EIF4EBP2: variants seen among roughly 807,000 people sequenced by gnomAD.
EIF4EBP2 encodes eukaryotic translation initiation factor 4E binding protein 2, also known as eukaryotic translation initiation factor 4E-binding protein 2.
In EIF4EBP2, 5 loss-of-function variants were observed where a neutral mutation model predicts 10.3. The ratio of observed to expected loss-of-function variants is 0.48; its 90% CI spans 0.25 to 1.02. EIF4EBP2 has a LOEUF of 1.02. Among genes scored for constraint, EIF4EBP2 ranks in the 50% least tolerant of loss-of-function variants. The pLI is 0.15. For synonymous variants in EIF4EBP2, 67 were observed against 61.1 expected, an observed-to-expected ratio of 1.10 and a Z score of -0.45; for missense variants, 188 against 162.2, an observed-to-expected ratio of 1.16 and a Z score of -0.86.
At chr10:70,413,310 G>T (rs1845062673) in intron 1 of EIF4EBP2, among the ~76,000 whole-genome samples, 1 of 152,120 alleles carries the variant, frequency 6.6e-6, no homozygotes. Context: ...TTGCTGGTAT[G>T]TAACCTCATT....
chr10:70,419,637 T>C (rs1299810439), intron 1 of EIF4EBP2, among the ~76,000 whole-genome samples: 2 of 128,376 alleles, frequency 1.6e-5, no homozygotes, highest in African/African-American at 6.5e-5. Context: ...AAGAACCTTT[T>C]AAAAAAGTGA....
At chr10:70,417,421 G>A (rs7921821) in intron 1 of EIF4EBP2, among the ~76,000 whole-genome samples, 34,748 of 152,008 alleles carry the variant, frequency 0.23, 4,269 homozygotes, top group Non-Finnish European at 0.27. Flanking sequence ...TGATTATGGT[G>A]ATGATTGTAC....
chr10:70,407,878 G>T (rs550129268), intron 1 of EIF4EBP2, among the ~76,000 whole-genome samples: 236 of 124,718 alleles, frequency 1.9e-3, no homozygotes, highest in African/African-American at 6.8e-3. Flanking sequence ...CCTCCCTCCC[G>T]GATGGGGCGG....
At chr10:70,407,930 C>A (rs1244461354) in intron 1 of EIF4EBP2, among the ~76,000 whole-genome samples, 3 of 116,324 alleles carry the variant, frequency 2.6e-5, no homozygotes, top group Non-Finnish European at 5.5e-5. Flanking sequence ...GTAGGAGCGG[C>A]CGGGCAGAGG....
chr10:70,407,350 A>T (rs939469370), intron 1 of EIF4EBP2, among the ~76,000 whole-genome samples: 9 of 152,078 alleles, frequency 5.9e-5, no homozygotes, highest in African/African-American at 2.2e-4. Flanking sequence ...CATCTGTTTA[A>T]CAAAGCACAT....
intron 1 of EIF4EBP2, among the ~76,000 whole-genome samples, chr10:70,412,927 G>GA (rs1392322628): frequency 2.0e-5 from 3 of 152,148 alleles, no homozygotes; most frequent in South Asian, 2.1e-4. Context: ...AAACAAAGCA[G>GA]AAAAATGAAA....
At chr10:70,408,165 C>T (rs1371747443) in intron 1 of EIF4EBP2, among the ~76,000 whole-genome samples, 2 of 121,182 alleles carry the variant, frequency 1.7e-5, no homozygotes, top group Non-Finnish European at 3.6e-5. Context: ...GGCTGACCCC[C>T]CCCACCTCCC....
intron 1 of EIF4EBP2, among the ~76,000 whole-genome samples, chr10:70,407,730 A>ACCCCCCCC (rs750558076): frequency 6.8e-5 from 7 of 103,578 alleles, no homozygotes; most frequent in African/African-American, 3.2e-4. Context: ...CGGGGGGCTG[A>ACCCCCCCC]CCCCCCCCCC....
chr10:70,412,149 T>C (rs1313203240), intron 1 of EIF4EBP2, among the ~76,000 whole-genome samples: 2 of 152,188 alleles, frequency 1.3e-5, no homozygotes, highest in Non-Finnish European at 2.9e-5. Flanking sequence ...AGTCTGCTGA[T>C]GGCTTCTGAG....
rs1170284236 is a variant in EIF4EBP2, at chr10:70,422,823, T to G, written c.*1076T>G. 1 of 152,362 alleles carries G rather than the reference T, an allele frequency of 6.6e-6. No homozygotes were observed. Among genetic ancestry groups the G allele is most frequent in the African/African-American group, 2.4e-5 (1 of 41,574 alleles). 9.4% of individuals were successfully genotyped at this position (152,362 alleles called of 1,614,324 possible). On this transcript the variant is annotated 3_prime_UTR_variant, in exon 3 of 3. Coordinates refer to ENST00000373218, the MANE Select transcript of EIF4EBP2 (RefSeq NM_004096.5). The stretch of plus-strand genomic sequence containing the variant: ...CTTATGTTTTGAGTTTGAAGTTGAT[T>G]TTCAGAATGTTCTTAGAAAAGAACT...
Position 70,420,117 on chromosome 10 carries a change from T to C in EIF4EBP2, c.331+18T>C. ...TGCAGTTGGTAAGAGAATGGCGATG[T>C]TGGAGACCTAGAGCGTGGCTCTTGG... On this transcript the variant is annotated intron_variant, in intron 2 of 2. Transcript: ENST00000373218. 1 of 1,588,496 alleles carries C rather than the reference T, an allele frequency of 6.3e-7. No individual in the cohort carries two copies. The highest frequency in any genetic ancestry group is 8.6e-7 in the Non-Finnish European group (1 of 1,167,634).
At chr10:70,415,514 T>TA (rs1243875242) in intron 1 of EIF4EBP2, among the ~76,000 whole-genome samples, 3 of 152,330 alleles carry the variant, frequency 2.0e-5, no homozygotes, top group Non-Finnish European at 4.4e-5. Flanking sequence ...TTGGAGGACT[T>TA]ACACTTTGTG....
intron 2 of EIF4EBP2, among the ~76,000 whole-genome samples, chr10:70,421,133 A>G (rs112313373): frequency 2.6e-5 from 4 of 152,296 alleles, no homozygotes; most frequent in Admixed American, 6.5e-5. Context: ...ATATGGTGTG[A>G]GGAAAAGCGG....
chr10:70,407,055 G>A (rs1490903347), intron 1 of EIF4EBP2, among the ~76,000 whole-genome samples: 1 of 151,554 alleles, frequency 6.6e-6, no homozygotes, highest in Non-Finnish European at 1.5e-5. Flanking sequence ...CCACCACCAC[G>A]CCCAGCTAAT....
At chr10:70,405,758 A>G (rs1844959248) in intron 1 of EIF4EBP2, among the ~76,000 whole-genome samples, 1 of 152,098 alleles carries the variant, frequency 6.6e-6, no homozygotes, top group African/African-American at 2.4e-5. Context: ...TCTTGCCAAC[A>G]CCAAGGGATA....
At chr10:70,419,493 A>G (rs147893137) in intron 1 of EIF4EBP2, among the ~76,000 whole-genome samples, 78 of 151,854 alleles carry the variant, frequency 5.1e-4, no homozygotes, top group South Asian at 8.3e-4. Context: ...TTTTTTTCTT[A>G]AAGATGTTAA....
chr10:70,420,222 C>G (rs1454888583), intron 2 of EIF4EBP2, 123 bp downstream of exon 2: 3 of 978,098 alleles, frequency 3.1e-6, no homozygotes, highest in Non-Finnish European at 4.4e-6. Flanking sequence ...TTTTTTGAGA[C>G]ACAGTCTCAT....
chr10:70,416,688 C>T (rs1351452566), intron 1 of EIF4EBP2, among the ~76,000 whole-genome samples: 1 of 128,300 alleles, frequency 7.8e-6, no homozygotes, highest in African/African-American at 3.0e-5. Flanking sequence ...TTTTTTGAGA[C>T]AGGGTCTCAC....
At chr10:70,420,226 G>A in intron 2 of EIF4EBP2, 127 bp downstream of exon 2, 4 of 886,580 alleles carry the variant, frequency 4.5e-6, no homozygotes, top group Non-Finnish European at 6.6e-6. Context: ...TTGAGACACA[G>A]TCTCATTCTG....
Sources: allele counts gnomAD v4.1 joint callset (sites outside exome capture counted in the v4.1 genomes callset), GRCh38; gene constraint gnomAD v4.1.1; transcripts MANE v1.5; gene names NCBI Gene and HGNC (gene_info 2026-07-23, HGNC 2026-07-21).